Variants in SYNE2 observed in about 807,000 individuals in gnomAD.
SYNE2 encodes spectrin repeat containing nuclear envelope protein 2.
A neutral mutation model predicts 856.3 loss-of-function variants in SYNE2; 431 were observed. The observed-to-expected ratio is 0.50, with a 90% CI of 0.47 to 0.55. The LOEUF (loss-of-function observed/expected upper bound fraction) is 0.55. SYNE2 is among the 20% of genes least tolerant of loss of function. The pLI, the probability that SYNE2 is intolerant of heterozygous loss-of-function variation, is 0.00. For synonymous variants in SYNE2, 2,923 were observed against 2,872.3 expected (o/e 1.02, Z -0.56); for missense variants, 8,129 against 8,023.2 (o/e 1.01, Z -0.50).
chr14:63,818,277 G>A (rs1372958025), intron 1 of SYNE2, among the ~76,000 whole-genome samples: 4 of 149,900 alleles, frequency 2.7e-5, no homozygotes, highest in African/African-American at 9.8e-5. Context: ...GGAGGTTGCA[G>A]TGAGCTGAGA....
At chr14:63,817,813 C>T (rs1258244155) in intron 1 of SYNE2, among the ~76,000 whole-genome samples, 1 of 150,046 alleles carries the variant, frequency 6.7e-6, no homozygotes, top group Non-Finnish European at 1.5e-5. Flanking sequence ...TGCTTGAGCC[C>T]AGGAGTTCAA....
chr14:63,783,561 G>A (rs1204010305), intron 1 of SYNE2, among the ~76,000 whole-genome samples: 2 of 152,150 alleles, frequency 1.3e-5, no homozygotes, highest in East Asian at 3.9e-4. Context: ...TTATAGCAGT[G>A]TTAAAACGGA....
At chr14:63,895,775 C>CAAAAAAAAAAAAAA (rs10544076) in intron 1 of SYNE2, among the ~76,000 whole-genome samples, 1 of 92,624 alleles carries the variant, frequency 1.1e-5, no homozygotes, top group Non-Finnish European at 2.0e-5. Flanking sequence ...TCCAAATCTC[C>CAAAAAAAAAAAAAA]AAAAAAAAAA....
intron 52 of SYNE2, among the ~76,000 whole-genome samples, chr14:64,073,677 G>A (rs1055534097): frequency 4.6e-5 from 7 of 152,140 alleles, no homozygotes; most frequent in Non-Finnish European, 1.0e-4. Flanking sequence ...GTGAGCTCAA[G>A]GATTACGTGG....
At chr14:63,948,760 G>GTGTGTGTA (rs1297322017) in intron 6 of SYNE2, among the ~76,000 whole-genome samples, 1 of 54,958 alleles carries the variant, frequency 1.8e-5, no homozygotes, top group African/African-American at 5.6e-5. Flanking sequence ...GTATATATAT[G>GTGTGTGTA]TATATATATG....
chr14:64,075,632 T>C (rs1273483571), intron 53 of SYNE2: 1 of 202,154 alleles, frequency 4.9e-6, no homozygotes, highest in Non-Finnish European at 9.9e-6. Context: ...TGCAGCTTTT[T>C]AGATCAGGAC....
intron 66 of SYNE2, among the ~76,000 whole-genome samples, chr14:64,119,039 ACTC>A (rs1332604985): frequency 1.3e-5 from 2 of 152,020 alleles, no homozygotes; most frequent in African/African-American, 4.8e-5. Context: ...CTAGAGGCAC[ACTC>A]CTCTAAAGTA....
rs17766468 is a variant in SYNE2, at chr14:64,174,848, T to C, written c.17236-96T>C. ...GTCTAATTTATATCTAGTTTAACTC[T>C]TAAGAAAAGCTCTGAAGGAAATATA... On this transcript the variant is annotated intron_variant, in intron 94 of 115. Coordinates refer to ENST00000555002, the MANE Select transcript of SYNE2 (RefSeq NM_182914.3). The C allele has an allele frequency of 0.036, 42,569 of 1,184,422 alleles. 944 individuals carry two copies. Among genetic ancestry groups the C allele is most frequent in the Middle Eastern group, 0.062 (229 of 3,686 alleles). The allele number at this position is 1,184,422 out of a possible 1,614,324, so 73.4% of individuals were successfully genotyped here.
rs1353158549 is a variant in SYNE2, at chr14:63,998,306, T to C, written c.3331T>C (p.Ser1111Pro). Residue 1111 changes from serine (S) to proline (P), a missense_variant, in exon 26 of 116, where the codon TCT becomes CCT. By Grantham distance (74) the Ser-to-Pro change is moderately conservative (BLOSUM62 -1). Transcript: ENST00000555002. ...ESIMEKDYSA[S>P]INSLLERYDT... The stretch of plus-strand genomic sequence containing the variant: ...CATTATGGAAAAGGATTACAGTGCA[T>C]CTATAAATAGTTTACTAGAGAGGTA... 1 of 1,612,404 alleles carries C rather than the reference T, an allele frequency of 6.2e-7. No homozygotes were observed.
intron 1 of SYNE2, among the ~76,000 whole-genome samples, chr14:63,841,828 CTTTCTTTTT>C (rs1890073223): frequency 1.0e-5 from 1 of 100,364 alleles, no homozygotes; most frequent in Non-Finnish European, 2.2e-5. Flanking sequence ...TTCTTTCTTT[CTTTCTTTTT>C]TTTTTTTTTT....
At chr14:63,970,651 C>CTTT (rs61126600) in intron 11 of SYNE2, among the ~76,000 whole-genome samples, 7 of 98,886 alleles carry the variant, frequency 7.1e-5, no homozygotes, top group East Asian at 2.9e-4. Flanking sequence ...TTTCTTTTTT[C>CTTT]TTTTTTTTTT....
At chr14:63,813,457 G>T (rs1422874057) in intron 1 of SYNE2, among the ~76,000 whole-genome samples, 1 of 152,184 alleles carries the variant, frequency 6.6e-6, no homozygotes, top group Non-Finnish European at 1.5e-5. Flanking sequence ...AAACAAACAT[G>T]TCCAATTTTC....
intron 83 of SYNE2, among the ~76,000 whole-genome samples, chr14:64,145,812 A>T (rs1235660302): frequency 6.6e-6 from 1 of 152,190 alleles, no homozygotes; most frequent in Non-Finnish European, 1.5e-5. Flanking sequence ...TATTTTGTAT[A>T]CATCTGAAAC....
chr14:64,022,724 A>T (rs374755337), intron 37 of SYNE2, 27 bp from the exon 38 acceptor site: 178 of 1,199,696 alleles, frequency 1.5e-4, no homozygotes, highest in Middle Eastern at 3.7e-4. Flanking sequence ...TCCTTGAATG[A>T]ATAGAGCTTT....
At chr14:63,817,799 G>A (rs1362593452) in intron 1 of SYNE2, among the ~76,000 whole-genome samples, 2 of 149,154 alleles carry the variant, frequency 1.3e-5, no homozygotes, top group African/African-American at 5.0e-5. Flanking sequence ...CAAGGCAGGA[G>A]GATTGCTTGA....
Position 64,076,262 on chromosome 14 carries a change from T to G in SYNE2, c.11022+162T>G, listed in dbSNP as rs1226074838. ...CTATTGAATGCTAAGATAAAGATGC[T>G]CTAAATATGTGACATAAGATAACAG... is the stretch of plus-strand genomic sequence containing the variant. On this transcript the variant is annotated intron_variant, in intron 54 of 115. Coordinates refer to ENST00000555002, the MANE Select transcript of SYNE2 (RefSeq NM_182914.3). Among the ~76,000 whole-genome samples, 3 of 152,218 alleles carry G rather than the reference T, an allele frequency of 2.0e-5. No individual in the cohort carries two copies. In the East Asian group the frequency reaches 5.8e-4, roughly 29 times the overall value.
intron 64 of SYNE2, among the ~76,000 whole-genome samples, chr14:64,105,879 G>C (rs1442542170): frequency 2.6e-5 from 4 of 151,922 alleles, no homozygotes; most frequent in Admixed American, 2.6e-4. Flanking sequence ...GGGCAACATA[G>C]TGAAACCCTG....
At chr14:63,944,354 C>T (rs1487370434) in intron 6 of SYNE2, among the ~76,000 whole-genome samples, 1 of 149,214 alleles carries the variant, frequency 6.7e-6, no homozygotes, top group African/African-American at 2.5e-5. Flanking sequence ...TACTATATTT[C>T]ACTAATGGAT....
At chr14:64,162,850 A>G (rs932694342) in intron 88 of SYNE2, 6 of 192,156 alleles carry the variant, frequency 3.1e-5, no homozygotes, top group African/African-American at 9.4e-5. Context: ...GTGGCAACCA[A>G]TTTAATTAGG....
Sources: gnomAD v4.1 joint callset for allele counts (sites outside exome capture counted in the v4.1 genomes callset) on GRCh38, gnomAD v4.1.1 for gene constraint, MANE v1.5 for transcripts, NCBI Gene and HGNC (gene_info 2026-07-23, HGNC 2026-07-21) for gene names.